The following PLCH1 variants were observed in gnomAD, a reference collection of about 807,000 sequenced individuals.
PLCH1 encodes 1-phosphatidylinositol 4,5-bisphosphate phosphodiesterase eta-1.
PLCH1 carries 60 observed loss-of-function variants against 126.7 expected under a neutral mutation model. The observed-to-expected ratio is 0.47, with a 90% CI of 0.38 to 0.59. The LOEUF (loss-of-function observed/expected upper bound fraction) is 0.59. PLCH1 is among the 20% of genes least tolerant of loss of function. The probability of loss-of-function intolerance (pLI) is 0.00; values close to 1 mark genes in which losing one functional copy is unlikely to be tolerated. For synonymous variants in PLCH1, 719 were observed against 734.9 expected, an observed-to-expected ratio of 0.98 and a Z score of 0.35; for missense variants, 1,723 against 2,040.0, an observed-to-expected ratio of 0.84 and a Z score of 2.99.
chr3:155,553,956 G>T, intron 9 of PLCH1, 120 bp downstream of exon 9: 1 of 818,222 alleles, frequency 1.2e-6, no homozygotes, highest in Non-Finnish European at 1.9e-6. Flanking sequence ...GAGAAAACTA[G>T]TCTAGCAAAG....
intron 1 of PLCH1, among the ~76,000 whole-genome samples, chr3:155,708,998 C>T (rs1245807732): frequency 6.6e-6 from 1 of 152,144 alleles, no homozygotes; most frequent in Non-Finnish European, 1.5e-5. Context: ...TATAGTTTTG[C>T]CTTTTCCGGG....
intron 21 of PLCH1, among the ~76,000 whole-genome samples, chr3:155,453,076 A>G (rs1359792088): frequency 6.6e-6 from 1 of 152,152 alleles, no homozygotes; most frequent in South Asian, 2.1e-4. Flanking sequence ...TTATTTTCCA[A>G]TAGAAGAGCC....
chr3:155,451,612 C>CG (rs1712309575), intron 21 of PLCH1, among the ~76,000 whole-genome samples: 1 of 152,116 alleles, frequency 6.6e-6, no homozygotes, highest in Non-Finnish European at 1.5e-5. Context: ...GCAATGTGTG[C>CG]GGGCCTCTTT....
At chr3:155,624,704 C>T (rs1383172773) in intron 2 of PLCH1, among the ~76,000 whole-genome samples, 1 of 152,084 alleles carries the variant, frequency 6.6e-6, no homozygotes, top group Non-Finnish European at 1.5e-5. Flanking sequence ...AGGACCTCTT[C>T]AAGGAGAACT....
At chr3:155,717,793 C>A (rs1297960568) in intron 1 of PLCH1, among the ~76,000 whole-genome samples, 1 of 152,200 alleles carries the variant, frequency 6.6e-6, no homozygotes, top group East Asian at 1.9e-4. Flanking sequence ...GCTCTTCTAC[C>A]CTTGTCTTGG....
chr3:155,598,191 A>T (rs1355303497), intron 2 of PLCH1, among the ~76,000 whole-genome samples: 1 of 152,208 alleles, frequency 6.6e-6, no homozygotes, highest in East Asian at 1.9e-4. Context: ...CCTCAAAAAA[A>T]AAAAATTACT....
At chr3:155,592,777 C>T (rs2108638819) in intron 4 of PLCH1, among the ~76,000 whole-genome samples, 1 of 152,168 alleles carries the variant, frequency 6.6e-6, no homozygotes, top group South Asian at 2.1e-4. Context: ...GATACTTGTA[C>T]CAGAAAACAT....
chr3:155,598,502 T>C (rs1186071488), intron 2 of PLCH1, among the ~76,000 whole-genome samples: 1 of 152,160 alleles, frequency 6.6e-6, no homozygotes, highest in Non-Finnish European at 1.5e-5. Context: ...AAACTCCCTG[T>C]TCCAGGCACA....
intron 2 of PLCH1, among the ~76,000 whole-genome samples, chr3:155,691,109 T>G (rs1362841647): frequency 6.6e-6 from 1 of 152,150 alleles, no homozygotes; most frequent in Non-Finnish European, 1.5e-5. Context: ...AGAAACAAGT[T>G]TGTGTAATGC....
Position 155,678,538 on chromosome 3 carries a change from T to C in PLCH1, c.79+25608A>G, listed in dbSNP as rs528166885. On this transcript the variant is annotated intron_variant, in intron 2 of 22. Coordinates refer to ENST00000460012, the MANE Select transcript of PLCH1 (RefSeq NM_014996.4). Reference sequence around the variant, plus strand: ...CTCCTATGCAGCCCATTCAAAAGAATCATAAAACTTATAAACACCTATCCT... The same window carrying C: ...CTCCTATGCAGCCCATTCAAAAGAACCATAAAACTTATAAACACCTATCCT... Among the ~76,000 whole-genome samples the C allele has an allele frequency of 6.6e-5, 10 of 152,296 alleles. No individual in the cohort carries two copies. The East Asian group carries it at 1.4e-3, about 21-fold the overall frequency.
chr3:155,470,701 A>G (rs1163713945), intron 21 of PLCH1, among the ~76,000 whole-genome samples: 1 of 152,164 alleles, frequency 6.6e-6, no homozygotes, highest in African/African-American at 2.4e-5. Context: ...CCTCAAAGGG[A>G]AGCCCACCAG....
At chr3:155,573,776 G>A (rs367879671) in intron 6 of PLCH1, among the ~76,000 whole-genome samples, 135 of 152,290 alleles carry the variant, frequency 8.9e-4, no homozygotes, top group Middle Eastern at 6.8e-3. Flanking sequence ...TTCAATTCTT[G>A]GTGGAAGGAG....
chr3:155,538,769 A>G (rs1429148563), intron 10 of PLCH1, among the ~76,000 whole-genome samples: 1 of 151,994 alleles, frequency 6.6e-6, no homozygotes, highest in East Asian at 1.9e-4. Context: ...AAAATTGCCA[A>G]CAACAACAAA....
intron 2 of PLCH1, among the ~76,000 whole-genome samples, chr3:155,648,773 G>A (rs1001398736): frequency 6.6e-6 from 1 of 152,214 alleles, no homozygotes; most frequent in African/African-American, 2.4e-5. Context: ...GCAAATGACA[G>A]AGGACCTGGC....
At chr3:155,517,250 T>C (rs1474785886) in intron 11 of PLCH1, among the ~76,000 whole-genome samples, 1 of 152,170 alleles carries the variant, frequency 6.6e-6, no homozygotes, top group Non-Finnish European at 1.5e-5. Flanking sequence ...GAGGCTGCAG[T>C]GAGCTATGAT....
Position 155,455,737 on chromosome 3 carries a change from A to T in PLCH1, c.2938+29619T>A, listed in dbSNP as rs180712974. On this transcript the variant is annotated intron_variant, in intron 21 of 21. Transcript: ENST00000494598. ...GAGGCTTTGTTTCCTAATTAAGCAC[A>T]CAGAATATTCTTTACTTCTACAAAG... 4.8e-3 allele frequency among the ~76,000 whole-genome samples: 736 copies of T among 152,360 alleles called. 2 individuals carry two copies. The highest frequency in any genetic ancestry group is 7.7e-3 in the Non-Finnish European group (525 of 68,032).
At chr3:155,553,209 G>C (rs185574723) in intron 9 of PLCH1, among the ~76,000 whole-genome samples, 149 of 152,210 alleles carry the variant, frequency 9.8e-4, no homozygotes, top group Non-Finnish European at 1.7e-3. Flanking sequence ...CCACCTTCTG[G>C]GTTCAAGCAA....
At position 155,738,198 on chromosome 3, in the gene PLCH1, G is replaced by A. The variant is rs1231463291; in HGVS notation, c.-41+6642C>T. ...AGAGAGCCCTCCAGGGACCTGTGTGGTGTCTGAGGCAGAGGCTGAATTCCA... is the reference window on the plus strand; with the variant it reads ...AGAGAGCCCTCCAGGGACCTGTGTGATGTCTGAGGCAGAGGCTGAATTCCA... On this transcript the variant is annotated intron_variant, in intron 1 of 22. Transcript: ENST00000460012. Among the ~76,000 whole-genome samples the A allele has an allele frequency of 1.2e-4, 19 of 152,182 alleles. 1 individual carries two copies. The highest frequency in any genetic ancestry group is 1.2e-3 in the Admixed American group (18 of 15,276).
intron 21 of PLCH1, among the ~76,000 whole-genome samples, chr3:155,454,308 G>A (rs1712386218): frequency 6.6e-6 from 1 of 151,960 alleles, no homozygotes; most frequent in Non-Finnish European, 1.5e-5. Flanking sequence ...TTTTCAGCCT[G>A]AGCAACATGA....
Sources: allele counts gnomAD v4.1 joint callset (sites outside exome capture counted in the v4.1 genomes callset), GRCh38; gene constraint gnomAD v4.1.1; transcripts MANE v1.5; gene names NCBI Gene and HGNC (gene_info 2026-07-23, HGNC 2026-07-21).